CECR2: variants seen among roughly 807,000 people sequenced by gnomAD.
CECR2 encodes the protein CECR2 histone acetyl-lysine reader.
Under a neutral mutation model 154.5 loss-of-function variants are expected in CECR2, and 30 were observed. That is an observed-to-expected ratio of 0.19 (90% CI 0.15 to 0.26). The LOEUF is 0.26. Among genes scored for constraint, CECR2 ranks in the 10% least tolerant of loss-of-function variants. The pLI is 1.00. For synonymous variants in CECR2, 725 were observed against 683.7 expected, an observed-to-expected ratio of 1.06 and a Z score of -0.94; for missense variants, 1,743 against 1,829.3, an observed-to-expected ratio of 0.95 and a Z score of 0.86.
intron 9 of CECR2, among the ~76,000 whole-genome samples, chr22:17,526,552 T>C (rs2056268074): frequency 6.6e-6 from 1 of 152,150 alleles, no homozygotes; most frequent in Admixed American, 6.6e-5. Context: ...GACTTATGCC[T>C]GTAATCCCAG....
At chr22:17,442,072 G>C (rs888743206) in intron 1 of CECR2, among the ~76,000 whole-genome samples, 1 of 152,188 alleles carries the variant, frequency 6.6e-6, no homozygotes, top group Non-Finnish European at 1.5e-5. Flanking sequence ...ATTATACAAA[G>C]TTGGGAAGCT....
chr22:17,524,213 G>A lies in CECR2; in HGVS notation c.1050G>A (p.Glu350=). The A allele has an allele frequency of 6.2e-7, 1 of 1,609,920 alleles. No individual in the cohort carries two copies. ...TAGCAGTGCAGAAGAAGGAGCAGGA[G>A]CAGATGCTAAAGGAAGAGAGGAAAC... ...ILLAVQKKEQ[E]QMLKEERKRE... The change falls in exon 9 of 19, where the codon GAG becomes GAA. Residue 350 remains glutamate, a synonymous_variant. Coordinates refer to ENST00000262608, the MANE Select transcript of CECR2 (RefSeq NM_001290047.2).
intron 9 of CECR2, among the ~76,000 whole-genome samples, chr22:17,525,192 G>C: frequency 6.9e-6 from 1 of 145,332 alleles, no homozygotes; most frequent in African/African-American, 2.5e-5. Context: ...GGCTGAGGCA[G>C]GAGAATCGCT....
chr22:17,380,918 T>C (rs1300290218), intron 1 of CECR2, among the ~76,000 whole-genome samples: 8 of 152,234 alleles, frequency 5.3e-5, no homozygotes, highest in Non-Finnish European at 1.0e-4. Context: ...GTTGATTTGC[T>C]TGACAGAAAA....
intron 1 of CECR2, among the ~76,000 whole-genome samples, chr22:17,469,409 G>C (rs5747189): frequency 1.3e-5 from 2 of 152,172 alleles, no homozygotes; most frequent in African/African-American, 4.8e-5. Flanking sequence ...TTGAGAATTA[G>C]AAGGGGAAGA....
intron 17 of CECR2, among the ~76,000 whole-genome samples, chr22:17,549,785 T>TTG (rs1555935196): frequency 1.5e-5 from 2 of 135,116 alleles, no homozygotes; most frequent in Non-Finnish European, 3.1e-5. Flanking sequence ...AACTTTTTGG[T>TTG]TTTTTTTTTT....
At chr22:17,546,874 A>C (rs539075462) in intron 16 of CECR2, among the ~76,000 whole-genome samples, 2 of 151,870 alleles carry the variant, frequency 1.3e-5, no homozygotes, top group Admixed American at 1.3e-4. Context: ...TCTTGTCTCT[A>C]CTAAAAATAC....
At chr22:17,368,275 T>A (rs995611317), upstream of CECR2, among the ~76,000 whole-genome samples, 9 of 152,126 alleles carry the variant, frequency 5.9e-5, no homozygotes, top group African/African-American at 2.2e-4. Flanking sequence ...TAGAAGAGGA[T>A]CTTTGAGTTT....
At chr22:17,465,884 G>T (rs1010517718) in intron 1 of CECR2, among the ~76,000 whole-genome samples, 16 of 152,256 alleles carry the variant, frequency 1.1e-4, no homozygotes, top group African/African-American at 3.1e-4. Flanking sequence ...CTCCCAAATT[G>T]CTGGGATTAC....
At chr22:17,364,342 C>CAAAAAAAAAAAAAAA (rs59134897) in intron 1 of CECR2, among the ~76,000 whole-genome samples, 5 of 52,946 alleles carry the variant, frequency 9.4e-5, no homozygotes, top group Non-Finnish European at 1.2e-4. Flanking sequence ...GACTCTGTCT[C>CAAAAAAAAAAAAAAA]AAAAAAAAAA....
intron 1 of CECR2, among the ~76,000 whole-genome samples, chr22:17,407,154 T>C (rs1319206055): frequency 1.3e-5 from 2 of 152,246 alleles, no homozygotes; most frequent in Admixed American, 6.5e-5. Flanking sequence ...TAAACTCTTT[T>C]CATAGCCACT....
chr22:17,415,866 G>A (rs189021089), intron 1 of CECR2, among the ~76,000 whole-genome samples: 6 of 152,098 alleles, frequency 3.9e-5, no homozygotes, highest in South Asian at 2.1e-4. Flanking sequence ...CCATCAATCC[G>A]TCGGTCCATT....
intron 9 of CECR2, among the ~76,000 whole-genome samples, chr22:17,529,467 G>A (rs1007743748): frequency 3.9e-5 from 6 of 152,208 alleles, no homozygotes; most frequent in Admixed American, 1.3e-4. Context: ...TTGGAAGGCC[G>A]AAGTGGGCGA....
chr22:17,499,373 C>G (rs367997788), intron 3 of CECR2, 37 bp from the exon 4 acceptor site: 1 of 1,584,710 alleles, frequency 6.3e-7, no homozygotes, highest in Non-Finnish European at 8.6e-7. Flanking sequence ...CGTTTTGTTC[C>G]CCATTTCCCC....
At chr22:17,420,291 G>A (rs2054226487) in intron 1 of CECR2, among the ~76,000 whole-genome samples, 1 of 151,346 alleles carries the variant, frequency 6.6e-6, no homozygotes. Flanking sequence ...TAGAAATATG[G>A]GAAGATTTAA....
intron 1 of CECR2, among the ~76,000 whole-genome samples, chr22:17,471,629 G>A (rs533323093): frequency 1.8e-4 from 28 of 151,504 alleles, no homozygotes; most frequent in Admixed American, 7.9e-4. Flanking sequence ...TCTGCCTCCC[G>A]GGTTCAGGCG....
At chr22:17,405,475 T>TATAAAATATAAA (rs1555903839) in intron 1 of CECR2, among the ~76,000 whole-genome samples, 10,949 of 147,282 alleles carry the variant, frequency 0.074, 1,192 homozygotes, top group African/African-American at 0.23. Context: ...TAAAATAAAA[T>TATAAAATATAAA]ATAAAATAAA....
chr22:17,381,358 G>A (rs887524554), intron 1 of CECR2, among the ~76,000 whole-genome samples: 2 of 150,788 alleles, frequency 1.3e-5, no homozygotes, highest in Non-Finnish European at 1.5e-5. Flanking sequence ...CTTGTGACAC[G>A]TAACTCTAGA....
chr22:17,518,581 G>T, intron 8 of CECR2: 1 of 326,720 alleles, frequency 3.1e-6, no homozygotes, highest in Non-Finnish European at 6.1e-6. Context: ...TCCTTCCATT[G>T]CAGCTGTCAC....
Sources: allele counts gnomAD v4.1 joint callset (sites outside exome capture counted in the v4.1 genomes callset), GRCh38; gene constraint gnomAD v4.1.1; transcripts MANE v1.5; gene names NCBI Gene and HGNC (gene_info 2026-07-23, HGNC 2026-07-21).